The following PARN variants were observed in gnomAD, a reference collection of about 807,000 sequenced individuals.
PARN encodes poly(A)-specific ribonuclease PARN.
A neutral mutation model predicts 102.8 loss-of-function variants in PARN; 71 were observed. The observed-to-expected ratio is 0.69, with a 90% CI of 0.57 to 0.84. The LOEUF is 0.84. Ranked by LOEUF, PARN falls within the 40% of genes least tolerant of loss-of-function variation. The pLI is 0.00. For missense variants in PARN, 782 were observed against 760.9 expected (o/e 1.03, Z -0.33); for synonymous variants, 261 against 252.9 (o/e 1.03, Z -0.30).
intron 6 of PARN, among the ~76,000 whole-genome samples, chr16:14,613,325 AC>A (rs1435500432): frequency 0.022 from 3,326 of 149,428 alleles, 51 homozygotes; most frequent in Non-Finnish European, 0.035. Flanking sequence ...AAAAAAAAAA[AC>A]AAAACACCAT....
At chr16:14,519,179 G>GA (rs1965609928) in intron 21 of PARN, among the ~76,000 whole-genome samples, 1 of 150,336 alleles carries the variant, frequency 6.7e-6, no homozygotes, top group African/African-American at 2.5e-5. Context: ...AGATTAAGTA[G>GA]AAAACCTATA....
chr16:14,589,494 A>G (rs1263140594), intron 13 of PARN, among the ~76,000 whole-genome samples: 1 of 150,686 alleles, frequency 6.6e-6, no homozygotes, highest in Non-Finnish European at 1.5e-5. Context: ...GAGCCCAGGG[A>G]GTTGAGGCTG....
In PARN at chr16:14,617,760, C is replaced by T. The variant is rs563580629; in HGVS notation, c.328-110G>A. The stretch of plus-strand genomic sequence containing the variant: ...AAACAAAGACAATATGGGAAGGAAG[C>T]GATGTGCCAGAGGTCACAATACAAG... On this transcript the variant is annotated intron_variant, in intron 5 of 23. Coordinates refer to ENST00000437198, the MANE Select transcript of PARN (RefSeq NM_002582.4). 2.4e-5 allele frequency: 17 copies of T among 719,026 alleles called. No individual in the cohort carries two copies. The East Asian group carries it at 2.5e-4, about 11-fold the overall frequency. The allele number at this position is 719,026 out of a possible 1,614,324, so 44.5% of individuals were successfully genotyped here. A position where few individuals can be genotyped will look rare whatever the true frequency, so the allele number is the denominator to read the frequency against.
chr16:14,569,252 C>A (rs905443397), intron 18 of PARN, among the ~76,000 whole-genome samples: 1 of 151,632 alleles, frequency 6.6e-6, no homozygotes, highest in Admixed American at 6.6e-5. Flanking sequence ...TTTAAAAAAA[C>A]GAAATGAAAT....
chr16:14,596,462 T>C (rs1314859156), intron 12 of PARN, among the ~76,000 whole-genome samples: 2 of 151,968 alleles, frequency 1.3e-5, no homozygotes, highest in Non-Finnish European at 2.9e-5. Flanking sequence ...GGGCTGGGTG[T>C]GGTGGCTCGT....
intron 22 of PARN, among the ~76,000 whole-genome samples, chr16:14,481,168 A>T (rs1331544997): frequency 2.0e-5 from 3 of 152,292 alleles, no homozygotes; most frequent in East Asian, 1.9e-4. Context: ...AGACAAAAAA[A>T]TTATCTTACT....
chr16:14,597,194 C>T (rs925614495), intron 12 of PARN, among the ~76,000 whole-genome samples: 1 of 152,110 alleles, frequency 6.6e-6, no homozygotes, highest in Admixed American at 6.6e-5. Flanking sequence ...GCAAGATATG[C>T]TGATAGACGA....
chr16:14,577,605 A>AT (rs1969224077), intron 18 of PARN, among the ~76,000 whole-genome samples: 1 of 152,136 alleles, frequency 6.6e-6, no homozygotes, highest in Non-Finnish European at 1.5e-5. Context: ...AAGTGGTGGG[A>AT]TTACAGGCAT....
chr16:14,522,486 G>A (rs1280009946), intron 21 of PARN, among the ~76,000 whole-genome samples: 2 of 152,194 alleles, frequency 1.3e-5, no homozygotes, highest in African/African-American at 2.4e-5. Flanking sequence ...GTCAGCATGG[G>A]CAGCACAGTG....
intron 21 of PARN, among the ~76,000 whole-genome samples, chr16:14,543,929 T>C (rs1309488845): frequency 6.6e-6 from 1 of 152,200 alleles, no homozygotes; most frequent in African/African-American, 2.4e-5. Context: ...GCACGGTGGC[T>C]CACGCCTGTA....
chr16:14,623,003 C>T (rs1972415012), intron 5 of PARN, among the ~76,000 whole-genome samples: 1 of 151,496 alleles, frequency 6.6e-6, no homozygotes, highest in Non-Finnish European at 1.5e-5. Flanking sequence ...ACTGAGGAGG[C>T]TAAGGCAGGA....
At chr16:14,495,124 A>G (rs1964245186) in intron 21 of PARN, among the ~76,000 whole-genome samples, 1 of 152,076 alleles carries the variant, frequency 6.6e-6, no homozygotes, top group Admixed American at 6.6e-5. Flanking sequence ...GCAGTCATGA[A>G]AGCCTGGGAA....
At chr16:14,544,484 A>G (rs1428013709) in intron 21 of PARN, among the ~76,000 whole-genome samples, 1 of 152,194 alleles carries the variant, frequency 6.6e-6, no homozygotes, top group Non-Finnish European at 1.5e-5. Context: ...CTGAGGCAGG[A>G]GAATCACTTA....
intron 18 of PARN, among the ~76,000 whole-genome samples, chr16:14,559,226 TG>T (rs1016380694): frequency 7.2e-5 from 11 of 151,774 alleles, no homozygotes; most frequent in African/African-American, 1.9e-4. Context: ...TAGATGTTGT[TG>T]TTTTTTTTTT....
chr16:14,553,591 C>T (rs1048568018), intron 20 of PARN, among the ~76,000 whole-genome samples: 8 of 152,168 alleles, frequency 5.3e-5, no homozygotes, highest in Non-Finnish European at 8.8e-5. Context: ...CAGGAGACTG[C>T]TCAAACGAAC....
intron 22 of PARN, among the ~76,000 whole-genome samples, chr16:14,477,067 T>G (rs1356582715): frequency 1.3e-5 from 2 of 152,194 alleles, no homozygotes; most frequent in Non-Finnish European, 2.9e-5. Flanking sequence ...ATGCTATTTA[T>G]AAGAAACATA....
At chr16:14,566,825 G>T (rs901371382) in intron 18 of PARN, among the ~76,000 whole-genome samples, 6 of 152,346 alleles carry the variant, frequency 3.9e-5, no homozygotes, top group African/African-American at 1.2e-4. Context: ...TGCAGGGCTA[G>T]CATACCAAGT....
chr16:14,613,355 C>T (rs964004847), intron 6 of PARN, among the ~76,000 whole-genome samples: 2 of 150,726 alleles, frequency 1.3e-5, no homozygotes, highest in African/African-American at 4.9e-5. Context: ...GGGCGCCTGG[C>T]TCATGCCTAT....
At chr16:14,517,660 G>A (rs1470521086) in intron 21 of PARN, among the ~76,000 whole-genome samples, 2 of 152,168 alleles carry the variant, frequency 1.3e-5, no homozygotes, top group Non-Finnish European at 2.9e-5. Context: ...TGCCTTATAA[G>A]TCAACAGAAA....
Sources: gnomAD v4.1 joint callset for allele counts (sites outside exome capture counted in the v4.1 genomes callset) on GRCh38, gnomAD v4.1.1 for gene constraint, MANE v1.5 for transcripts, NCBI Gene and HGNC (gene_info 2026-07-23, HGNC 2026-07-21) for gene names.